Variants in CAST observed in about 807,000 individuals in gnomAD.
CAST encodes the protein MIR583 host.
A neutral mutation model predicts 119.6 loss-of-function variants in CAST; 76 were observed. The ratio of observed to expected loss-of-function variants is 0.64; its 90% CI spans 0.53 to 0.77. The LOEUF is 0.77. Among genes scored for constraint, CAST ranks in the 30% least tolerant of loss-of-function variants. CAST has a pLI of 0.00. For synonymous variants in CAST, 319 were observed against 331.6 expected (o/e 0.96, Z 0.41); for missense variants, 953 against 946.5 (o/e 1.01, Z -0.09).
At chr5:95,974,520 C>A in the CAST span, among the ~76,000 whole-genome samples, 1 of 152,152 alleles carries the variant, frequency 6.6e-6, no homozygotes, top group African/African-American at 2.4e-5. Flanking sequence ...GTTATGAATT[C>A]TTTAATAGTT....
the CAST span, among the ~76,000 whole-genome samples, chr5:96,138,866 T>C: frequency 6.6e-6 from 1 of 152,044 alleles, no homozygotes; most frequent in African/African-American, 2.4e-5. Flanking sequence ...ATCATTGCTA[T>C]TTGTAAATAC....
chr5:96,209,566 A>G, the CAST span, among the ~76,000 whole-genome samples: 1 of 151,986 alleles, frequency 6.6e-6, no homozygotes, highest in South Asian at 2.1e-4. Flanking sequence ...TTTCTCCTTT[A>G]CATATGAAGT....
intron 11 of CAST, among the ~76,000 whole-genome samples, chr5:96,739,696 G>T (rs1224233032): frequency 6.6e-6 from 1 of 152,140 alleles, no homozygotes; most frequent in East Asian, 1.9e-4. Context: ...TGATAGAGTT[G>T]GGTATTGGGT....
the CAST span, among the ~76,000 whole-genome samples, chr5:96,321,494 T>G: frequency 6.6e-6 from 1 of 152,254 alleles, no homozygotes; most frequent in South Asian, 2.1e-4. Context: ...AAAGTGTGTC[T>G]GGATGGTTGT....
At chr5:96,325,541 G>A in the CAST span, among the ~76,000 whole-genome samples, 80 of 151,374 alleles carry the variant, frequency 5.3e-4, no homozygotes, top group African/African-American at 1.8e-3. Flanking sequence ...GTGCAGTGGT[G>A]TGATCTGAGC....
chr5:96,348,371 GGAGAGAGAGGGAGAGGGAGAGAGA>G, the CAST span, among the ~76,000 whole-genome samples: 1 of 151,570 alleles, frequency 6.6e-6, no homozygotes, highest in East Asian at 1.9e-4. Flanking sequence ...AGGAGGCCTG[GGAGAGAGAGGGAGAGGGAGAGAGA>G]GAGAGAGAGG....
rs111399495 is a variant in CAST, at chr5:96,735,097, G to A, written c.631-1075G>A. Among the ~76,000 whole-genome samples the A allele has an allele frequency of 8.0e-3, 1,225 of 152,272 alleles. 7 individuals carry two copies. Among genetic ancestry groups the A allele is most frequent in the Non-Finnish European group, 0.011 (754 of 68,010 alleles). ...CCAGACTCAGGCTCACACCCTAGTG[G>A]CCCCCACAGTGTTTCTAGCATTGCA... On this transcript the variant is annotated intron_variant, in intron 9 of 31. Transcript: ENST00000675179.
At chr5:96,010,820 C>T in the CAST span, among the ~76,000 whole-genome samples, 1 of 152,096 alleles carries the variant, frequency 6.6e-6, no homozygotes, top group Admixed American at 6.5e-5. Flanking sequence ...CTTTCACTGT[C>T]TTGATTGGCT....
chr5:96,041,357 A>G, the CAST span, among the ~76,000 whole-genome samples: 2 of 152,164 alleles, frequency 1.3e-5, no homozygotes, highest in African/African-American at 4.8e-5. Context: ...GATAGGGGAC[A>G]TCCAACAAAT....
At position 96,746,325 on chromosome 5, in the gene CAST, C is replaced by T. The variant is rs762173571; in HGVS notation, c.1201-17C>T. 6.8e-6 allele frequency: 10 copies of T among 1,474,076 alleles called. No individual in the cohort carries two copies. Among genetic ancestry groups the T allele is most frequent in the Non-Finnish European group, 8.5e-6 (9 of 1,055,026 alleles). 91.3% of individuals were successfully genotyped at this position (1,474,076 alleles called of 1,614,324 possible). A position where few individuals can be genotyped will look rare whatever the true frequency, so the allele number is the denominator to read the frequency against. Reference sequence around the variant, plus strand: ...GCATTATCCAACTACTTTTTTTTTCCCCTCCATTTTCATCAGGCAAAAGCT... The same window carrying T: ...GCATTATCCAACTACTTTTTTTTTCTCCTCCATTTTCATCAGGCAAAAGCT... On this transcript the variant is annotated splice_polypyrimidine_tract_variant and intron_variant, in intron 16 of 31. Coordinates refer to ENST00000675179, the MANE Select transcript of CAST (RefSeq NM_001750.7).
chr5:96,309,649 C>A, the CAST span, among the ~76,000 whole-genome samples: 2 of 152,196 alleles, frequency 1.3e-5, no homozygotes, highest in Non-Finnish European at 2.9e-5. Context: ...AGTATCTGAG[C>A]CGGAGTGTAC....
chr5:96,491,184 G>A, the CAST span, among the ~76,000 whole-genome samples: 1 of 152,048 alleles, frequency 6.6e-6, no homozygotes, highest in Non-Finnish European at 1.5e-5. Flanking sequence ...TCACCAGAGT[G>A]ACATAAATTA....
the CAST span, among the ~76,000 whole-genome samples, chr5:96,383,071 G>A: frequency 2.6e-5 from 4 of 152,092 alleles, no homozygotes; most frequent in Non-Finnish European, 2.9e-5. Flanking sequence ...CATTCCGTTC[G>A]GGGAGACAGC....
chr5:96,024,009 A>G, the CAST span, among the ~76,000 whole-genome samples: 6 of 152,214 alleles, frequency 3.9e-5, no homozygotes, highest in Non-Finnish European at 7.3e-5. Flanking sequence ...TCAGCCAAGA[A>G]ATGAATTTGC....
At chr5:95,962,212 A>C in the CAST span, 35 of 223,830 alleles carry the variant, frequency 1.6e-4, no homozygotes, top group Non-Finnish European at 2.5e-4. Context: ...TGTGGGGGAT[A>C]GTAGTGAAAA....
At chr5:96,581,552 G>T (rs1746769120) in intron 1 of CAST, among the ~76,000 whole-genome samples, 1 of 152,258 alleles carries the variant, frequency 6.6e-6, no homozygotes, top group East Asian at 1.9e-4. Context: ...AATAAACTGA[G>T]AATTACATAT....
At chr5:96,656,819 G>A (rs1422577942) in intron 1 of CAST, among the ~76,000 whole-genome samples, 1 of 152,062 alleles carries the variant, frequency 6.6e-6, no homozygotes, top group Non-Finnish European at 1.5e-5. Context: ...GGCCCCTGGT[G>A]CATGCTCTTA....
chr5:96,541,750 T>C (rs1364488146), intron 1 of CAST, among the ~76,000 whole-genome samples: 2 of 152,224 alleles, frequency 1.3e-5, no homozygotes, highest in African/African-American at 4.8e-5. Context: ...TTTCTTTCAC[T>C]TAGCAATATT....
chr5:96,730,122 A>C (rs761002180), intron 8 of CAST, among the ~76,000 whole-genome samples: 2 of 152,184 alleles, frequency 1.3e-5, no homozygotes, highest in Admixed American at 6.5e-5. Flanking sequence ...GGAAATCCTA[A>C]AGCATTTTTA....
Sources: gnomAD v4.1 joint callset for allele counts (sites outside exome capture counted in the v4.1 genomes callset) on GRCh38, gnomAD v4.1.1 for gene constraint, MANE v1.5 for transcripts, NCBI Gene and HGNC (gene_info 2026-07-23, HGNC 2026-07-21) for gene names.